The following ZFAT variants were observed in gnomAD, a reference collection of about 807,000 sequenced individuals.
ZFAT encodes the protein zinc finger protein ZFAT.
Under a neutral mutation model 117.7 loss-of-function variants are expected in ZFAT, and 64 were observed. The observed-to-expected ratio is 0.54, with a 90% CI of 0.44 to 0.67. The LOEUF is 0.67. ZFAT is among the 30% of genes least tolerant of loss of function. The pLI is 0.00. For missense variants in ZFAT, 1,433 were observed against 1,584.5 expected (o/e 0.90, Z 1.62); for synonymous variants, 679 against 615.0 (o/e 1.10, Z -1.54).
At chr8:134,759,970 C>CAAAAAAAAAAAA in the ZFAT span, among the ~76,000 whole-genome samples, 2 of 53,180 alleles carry the variant, frequency 3.8e-5, no homozygotes, top group Non-Finnish European at 3.3e-5. Flanking sequence ...GACTCCGTCT[C>CAAAAAAAAAAAA]AAAAAAAAAA....
rs1352177358 is a variant in ZFAT at position 134,592,922 on chromosome 8, C to T, written c.2476-2567G>A. ...CAAACATCTGAATACCAAGCAACGA[C>T]AGCCAACCACACATGTCCAAGGGAT... On this transcript the variant is annotated intron_variant, in intron 7 of 15. Coordinates refer to ENST00000377838, the MANE Select transcript of ZFAT (RefSeq NM_020863.4). 2.0e-5 allele frequency among the ~76,000 whole-genome samples: 3 copies of T among 152,242 alleles called. No homozygotes were observed. The East Asian group carries it at 5.8e-4, about 29-fold the overall frequency.
chr8:134,482,910 G>A (rs1345180917), intron 15 of ZFAT, among the ~76,000 whole-genome samples: 1 of 152,110 alleles, frequency 6.6e-6, no homozygotes, highest in Non-Finnish European at 1.5e-5. Flanking sequence ...GCCTCCTGTT[G>A]GGCCTCCTTT....
rs533062650 is a variant in ZFAT, at chr8:134,676,143, GA to G, written c.20-18407del. On this transcript the variant is annotated intron_variant, in intron 1 of 15. Coordinates refer to ENST00000377838, the MANE Select transcript of ZFAT (RefSeq NM_020863.4). ...CTAAATGCCCCAATTAAAAGATACA[GA>G]CTGGCAAATTAGATAAAGAGTGTGC... Among the ~76,000 whole-genome samples the G allele has an allele frequency of 1.9e-3, 290 of 150,622 alleles. 2 individuals are homozygous for G. The highest frequency in any genetic ancestry group is 5.4e-3 in the African/African-American group (221 of 40,960).
chr8:134,511,237 G>C (rs1317311114), intron 14 of ZFAT, among the ~76,000 whole-genome samples: 1 of 152,164 alleles, frequency 6.6e-6, no homozygotes, highest in Non-Finnish European at 1.5e-5. Flanking sequence ...GAGTCTGAGA[G>C]TGAGAGTGTG....
At chr8:134,481,744 T>C (rs1052751830) in intron 15 of ZFAT, among the ~76,000 whole-genome samples, 6 of 152,118 alleles carry the variant, frequency 3.9e-5, no homozygotes, top group African/African-American at 1.2e-4. Context: ...CTGCTGCCCA[T>C]AGACGCCGCA....
chr8:134,595,727 C>A (rs1398766004), intron 7 of ZFAT, among the ~76,000 whole-genome samples: 1 of 152,200 alleles, frequency 6.6e-6, no homozygotes, highest in African/African-American at 2.4e-5. Context: ...TATTTAGTTA[C>A]TAATTGGAAG....
intron 11 of ZFAT, among the ~76,000 whole-genome samples, chr8:134,551,213 G>A (rs1823143194): frequency 6.6e-6 from 1 of 152,234 alleles, no homozygotes; most frequent in African/African-American, 2.4e-5. Context: ...TTTCACTACA[G>A]AGACATGGAT....
intron 15 of ZFAT, among the ~76,000 whole-genome samples, chr8:134,496,693 T>G (rs1256775199): frequency 6.6e-6 from 1 of 152,236 alleles, no homozygotes; most frequent in African/African-American, 2.4e-5. Context: ...CCTGCTCTCA[T>G]GGAGCTTCCA....
intron 3 of ZFAT, among the ~76,000 whole-genome samples, chr8:134,634,053 A>G (rs576079501): frequency 1.1e-4 from 11 of 97,234 alleles, no homozygotes; most frequent in Non-Finnish European, 2.1e-4. Context: ...TCTCAAAAAA[A>G]CAAAACAAAA....
At chr8:134,622,625 C>T (rs1487858099) in intron 3 of ZFAT, among the ~76,000 whole-genome samples, 1 of 152,086 alleles carries the variant, frequency 6.6e-6, no homozygotes, top group East Asian at 1.9e-4. Context: ...CTTGCCCTTC[C>T]ACGTCGCCCC....
intron 7 of ZFAT, among the ~76,000 whole-genome samples, chr8:134,593,109 TGGA>T (rs909520644): frequency 5.3e-5 from 8 of 152,240 alleles, no homozygotes; most frequent in East Asian, 1.9e-4. Flanking sequence ...GCGGGCATCC[TGGA>T]GGAGACCTCC....
In ZFAT at chr8:134,696,356, C is replaced by T. The variant is rs979285442; in HGVS notation, c.19+16489G>A. On this transcript the variant is annotated intron_variant, in intron 1 of 15. Transcript: ENST00000377838. The stretch of plus-strand genomic sequence containing the variant: ...GCTATAGGCGACCAGGAGTGGAGAA[C>T]AGCCGAGACACCTCTGAAACCACCC... The T allele has an allele frequency of 1.4e-5, 14 of 984,342 alleles. No individual in the cohort carries two copies. In the African/African-American group the frequency reaches 2.3e-4, roughly 16 times the overall value. The allele number at this position is 984,342 out of a possible 1,614,324, so 61.0% of individuals were successfully genotyped here. A position where few individuals can be genotyped will look rare whatever the true frequency, so the allele number is the denominator to read the frequency against.
chr8:134,675,597 G>A (rs10107486), intron 1 of ZFAT, among the ~76,000 whole-genome samples: 52,566 of 152,006 alleles, frequency 0.35, 9,453 homozygotes, highest in South Asian at 0.43. Flanking sequence ...TTCAAGAAAT[G>A]CAGAGAACAC....
At chr8:134,613,130 C>T (rs958322219) in intron 3 of ZFAT, among the ~76,000 whole-genome samples, 1 of 152,068 alleles carries the variant, frequency 6.6e-6, no homozygotes, top group Non-Finnish European at 1.5e-5. Context: ...TAAAATGATG[C>T]CTTGCTTTAT....
chr8:134,599,588 C>A (rs1036202716), intron 7 of ZFAT: 13 of 361,794 alleles, frequency 3.6e-5, no homozygotes, highest in East Asian at 3.0e-4. Flanking sequence ...CTACTCACCA[C>A]ACCCAAACAC....
At position 134,637,719 on chromosome 8, in the gene ZFAT, A is replaced by G. The variant is rs759133570; in HGVS notation, c.197-7T>C. 25 of 1,611,052 alleles carry G rather than the reference A, an allele frequency of 1.6e-5. No homozygotes were observed. Among genetic ancestry groups the G allele is most frequent in the Non-Finnish European group, 2.0e-5 (24 of 1,177,958 alleles). ...CTCTTCATGACCAAAAACTCTACAG[A>G]GGAAACAAGAGGGCACAATGGAATC... On this transcript the variant is annotated splice_region_variant and splice_polypyrimidine_tract_variant and intron_variant, in intron 2 of 15. Transcript: ENST00000377838.
the ZFAT span, chr8:134,766,709 T>C: frequency 6.6e-6 from 1 of 152,236 alleles, no homozygotes; most frequent in Non-Finnish European, 1.5e-5. Context: ...AACCATATAA[T>C]GTACCAACAA....
the ZFAT span, among the ~76,000 whole-genome samples, chr8:134,807,618 A>G: frequency 6.6e-6 from 1 of 152,072 alleles, no homozygotes; most frequent in South Asian, 2.1e-4. Context: ...AAAGAGTAGT[A>G]GCAGGGTGGT....
At chr8:134,705,634 T>C (rs1355724535) in intron 1 of ZFAT, among the ~76,000 whole-genome samples, 2 of 152,124 alleles carry the variant, frequency 1.3e-5, no homozygotes, top group African/African-American at 2.4e-5. Flanking sequence ...GTTCAAGCGA[T>C]TCTCATGCCT....
Sources: allele counts gnomAD v4.1 joint callset (sites outside exome capture counted in the v4.1 genomes callset), GRCh38; gene constraint gnomAD v4.1.1; transcripts MANE v1.5; gene names NCBI Gene and HGNC (gene_info 2026-07-23, HGNC 2026-07-21).